TCAF1: variants seen among roughly 807,000 people sequenced by gnomAD.
The protein encoded by TCAF1 is TRPM8 channel associated factor 1, also known as TRPM8 channel-associated factor 1.
A neutral mutation model predicts 27.3 loss-of-function variants in TCAF1; 4 were observed. That is an observed-to-expected ratio of 0.15 (90% confidence interval 0.07 to 0.34). The LOEUF (loss-of-function observed/expected upper bound fraction) is 0.34. TCAF1 is among the 10% of genes least tolerant of loss of function. TCAF1 has a pLI of 1.00. For synonymous variants in TCAF1, 105 were observed against 167.1 expected, an observed-to-expected ratio of 0.63 and a Z score of 2.87; for missense variants, 257 against 425.8, an observed-to-expected ratio of 0.60 and a Z score of 3.49.
intron 1 of TCAF1, among the ~76,000 whole-genome samples, chr7:143,890,550 C>A (rs1813596293): frequency 6.6e-6 from 1 of 152,140 alleles, no homozygotes; most frequent in African/African-American, 2.4e-5. Context: ...TATAGGAAAC[C>A]AACTGAAGAC....
intron 1 of TCAF1, chr7:143,886,614 GA>G: frequency 1.3e-6 from 1 of 770,696 alleles, no homozygotes; most frequent in Non-Finnish European, 1.6e-6. Context: ...GCCTAAAGCA[GA>G]AAATGGATGA....
At chr7:143,876,720 C>A in intron 1 of TCAF1, 98 bp from the exon 2 acceptor site, 1 of 960,504 alleles carries the variant, frequency 1.0e-6, no homozygotes, top group South Asian at 3.1e-5. Flanking sequence ...CTATTCTTCC[C>A]ACTATGCAGA....
chr7:143,890,057 C>T (rs566332240), intron 1 of TCAF1, among the ~76,000 whole-genome samples: 8 of 151,988 alleles, frequency 5.3e-5, no homozygotes, highest in East Asian at 1.9e-4. Flanking sequence ...GGCTCGATCT[C>T]GGCTCACTGC....
At chr7:143,898,685 A>C (rs560107408) in intron 1 of TCAF1, among the ~76,000 whole-genome samples, 1 of 152,380 alleles carries the variant, frequency 6.6e-6, no homozygotes, top group Admixed American at 6.5e-5. Context: ...TGACTTAAAT[A>C]GTGTCATATA....
chr7:143,895,837 G>A (rs1165284611), intron 1 of TCAF1, among the ~76,000 whole-genome samples: 3 of 145,628 alleles, frequency 2.1e-5, no homozygotes, highest in Admixed American at 1.4e-4. Context: ...AATTATATGC[G>A]TTAAACCTAT....
chr7:143,901,336 A>C (rs945660480), intron 1 of TCAF1, among the ~76,000 whole-genome samples: 6 of 152,146 alleles, frequency 3.9e-5, no homozygotes, highest in Admixed American at 6.5e-5. Context: ...ATGATTATCC[A>C]ATTGGCAAAG....
chr7:143,885,218 C>T, intron 1 of TCAF1: 1 of 985,552 alleles, frequency 1.0e-6, no homozygotes, highest in South Asian at 4.7e-5. Context: ...ACCCTTTCGT[C>T]CAGCAATTTC....
chr7:143,897,269 C>G (rs1813927869), intron 1 of TCAF1, among the ~76,000 whole-genome samples: 1 of 150,406 alleles, frequency 6.6e-6, no homozygotes, highest in Admixed American at 6.7e-5. Flanking sequence ...AAGACAGCAA[C>G]ACCAACTCCT....
rs1303832537 is a variant in TCAF1, at chr7:143,851,993, A to G, written c.*2140T>C. On this transcript the variant is annotated 3_prime_UTR_variant, in exon 9 of 9. Coordinates refer to ENST00000479870, the MANE Select transcript of TCAF1 (RefSeq NM_014719.3). ...CATTGAATACTAATAAATGATATCC[A>G]CATTATTTTGGCTATTTAAATACTT... 1 of 152,254 alleles carries G rather than the reference A, an allele frequency of 6.6e-6. No individual in the cohort carries two copies. The highest frequency in any genetic ancestry group is 1.5e-5 in the Non-Finnish European group (1 of 68,060). 9.4% of individuals were successfully genotyped at this position (152,254 alleles called of 1,614,324 possible). A position where few individuals can be genotyped will look rare whatever the true frequency, so the allele number is the denominator to read the frequency against.
At chr7:143,900,111 G>A (rs147541527) in intron 1 of TCAF1, among the ~76,000 whole-genome samples, 65 of 152,206 alleles carry the variant, frequency 4.3e-4, no homozygotes, top group African/African-American at 1.5e-3. Context: ...TTATAACTCC[G>A]CAATTCTACT....
In TCAF1 at chr7:143,885,142, C is replaced by T. The variant is rs142089319; in HGVS notation, c.-14-8520G>A. The T allele has an allele frequency of 1.2e-3, 1,157 of 985,562 alleles. 4 individuals carry two copies. The African/African-American group carries it at 0.015, about 12-fold the overall frequency. The allele number at this position is 985,562 out of a possible 1,614,324, so 61.1% of individuals were successfully genotyped here. A position where few individuals can be genotyped will look rare whatever the true frequency, so the allele number is the denominator to read the frequency against. On this transcript the variant is annotated intron_variant, in intron 1 of 8. Transcript: ENST00000479870. ...CACCTCAGCGGACTGCATCGGGAGCCGCCCCTGAATTGGTCCGTGTGCCCG... is the reference window on the plus strand; with the variant it reads ...CACCTCAGCGGACTGCATCGGGAGCTGCCCCTGAATTGGTCCGTGTGCCCG...
intron 6 of TCAF1, 114 bp downstream of exon 6, chr7:143,860,094 A>C (rs1342915587): frequency 1.0e-5 from 1 of 97,372 alleles, no homozygotes; most frequent in Non-Finnish European, 1.9e-5. Flanking sequence ...GGATACATCT[A>C]TATGTCTTGC....
At chr7:143,897,564 T>A (rs1157949665) in intron 1 of TCAF1, among the ~76,000 whole-genome samples, 1 of 152,092 alleles carries the variant, frequency 6.6e-6, no homozygotes, top group African/African-American at 2.4e-5. Context: ...GGGGTCAGTA[T>A]CCCGACTGCT....
At chr7:143,893,434 G>A (rs1028162221) in intron 1 of TCAF1, among the ~76,000 whole-genome samples, 1 of 151,946 alleles carries the variant, frequency 6.6e-6, no homozygotes, top group Non-Finnish European at 1.5e-5. Context: ...TGACACATAT[G>A]GTACATATAC....
chr7:143,900,927 C>G (rs1814085841), intron 1 of TCAF1, among the ~76,000 whole-genome samples: 1 of 152,118 alleles, frequency 6.6e-6, no homozygotes, highest in South Asian at 2.1e-4. Flanking sequence ...AAAGCCAATA[C>G]ATATGTTTTA....
At chr7:143,878,893 C>A (rs1812863350) in intron 1 of TCAF1, among the ~76,000 whole-genome samples, 1 of 152,148 alleles carries the variant, frequency 6.6e-6, no homozygotes, top group South Asian at 2.1e-4. Context: ...CTCAACCGAC[C>A]CAATTTCTAA....
Position 143,876,197 on chromosome 7 carries a change from G to A in TCAF1, c.412C>T (p.Leu138=), listed in dbSNP as rs370517812. The change falls in exon 2 of 9, where the codon CTG becomes TTG. Residue 138 remains leucine (L), a synonymous_variant. Coordinates refer to ENST00000479870, the MANE Select transcript of TCAF1 (RefSeq NM_014719.3). The part of the protein sequence containing the change: ...DAYNETMTEK[L]VKFMKCGGGL... The stretch of plus-strand genomic sequence containing the variant: ...CCACCACATTTCATGAACTTGACCA[G>A]CTTTTCTGTCATGGTTTCATTGTAG... 5.1e-5 allele frequency: 83 copies of A among 1,614,066 alleles called. No homozygotes were observed. Among genetic ancestry groups the A allele is most frequent in the Admixed American group, 1.2e-4 (7 of 60,002 alleles).
intron 1 of TCAF1, among the ~76,000 whole-genome samples, chr7:143,889,499 T>TTTAAAA: frequency 6.6e-6 from 1 of 152,218 alleles, no homozygotes; most frequent in Admixed American, 6.5e-5. Flanking sequence ...GAGAAGAACT[T>TTTAAAA]TCAATGGAGA....
Position 143,876,502 on chromosome 7 carries a change from G to C in TCAF1, c.107C>G (p.Ser36Ter). Residue 36 changes from serine to a stop codon, truncating the protein, a stop_gained, in exon 2 of 9, where the codon TCA becomes TGA. Transcript: ENST00000479870. LOFTEE classifies it high-confidence loss of function. ...CATGTCATTCACCATCACAGGAAAT[G>C]AAGCCTCTCCAATAAGAAGCAGTTC... ...PCELLLIGEA[S>*]FPVMVNDMGQ... 1 of 1,585,168 alleles carries C rather than the reference G, an allele frequency of 6.3e-7. No homozygotes were observed. Among genetic ancestry groups the C allele is most frequent in the Non-Finnish European group, 8.6e-7 (1 of 1,168,806 alleles).
Sources: gnomAD v4.1 joint callset for allele counts (sites outside exome capture counted in the v4.1 genomes callset) on GRCh38, gnomAD v4.1.1 for gene constraint, MANE v1.5 for transcripts, NCBI Gene and HGNC (gene_info 2026-07-23, HGNC 2026-07-21) for gene names.